Variants in NRL observed in about 807,000 individuals in gnomAD.
The protein encoded by NRL is neural retina leucine zipper.
NRL carries 16 observed loss-of-function variants against 12.5 expected under a neutral mutation model. The observed-to-expected ratio is 1.28, with a 90% CI of 0.87 to 1.95. The LOEUF (loss-of-function observed/expected upper bound fraction) is 1.95. Among genes scored for constraint, NRL ranks in the 30% most tolerant of loss-of-function variants. The probability of loss-of-function intolerance (pLI) is 0.00; values close to 1 mark genes in which losing one functional copy is unlikely to be tolerated. For synonymous variants in NRL, 142 were observed against 150.9 expected, an observed-to-expected ratio of 0.94 and a Z score of 0.43; for missense variants, 314 against 325.8, an observed-to-expected ratio of 0.96 and a Z score of 0.28.
At chr14:24,084,725 T>C (rs765814737) in intron 1 of NRL, 45 of 985,284 alleles carry the variant, frequency 4.6e-5, no homozygotes, top group Non-Finnish European at 5.4e-5. Context: ...GGTAAGGAGA[T>C]CATTTGCATA....
rs534559719 is a variant in NRL at position 24,092,686 on chromosome 14, C to T, written c.-27-9811G>A. On this transcript the variant is annotated intron_variant, in intron 1 of 2. Transcript: ENST00000561028. ...AAGAGACGGGGACCAGTAGCAAGCC[C>T]GTGGCTGGAGACCAGCTCTCCTTAT... 5.9e-5 allele frequency among the ~76,000 whole-genome samples: 9 copies of T among 152,308 alleles called. No individual in the cohort carries two copies. The East Asian group carries it at 1.7e-3, about 29-fold the overall frequency.
chr14:24,102,689 T>G, intron 1 of NRL: 2 of 1,375,058 alleles, frequency 1.5e-6, no homozygotes, highest in Non-Finnish European at 2.0e-6. Context: ...TGTGTGCCCA[T>G]GTATGTGTGT....
Position 24,102,827 on chromosome 14 carries a change from G to T in NRL, c.-28+11895C>A. 6.2e-7 allele frequency: 1 copy of T among 1,614,024 alleles called. No individual in the cohort carries two copies. Among genetic ancestry groups the T allele is most frequent in the Middle Eastern group, 1.7e-4 (1 of 6,058 alleles). ...TCGCCAGTGCCCCATCATGGACCCA[G>T]CCTGGGAGGCCCCAGAGGGTGTCCC... On this transcript the variant is annotated intron_variant, in intron 1 of 2. Coordinates refer to ENST00000561028, the MANE Select transcript of NRL (RefSeq NM_001354768.3).
chr14:24,089,828 A>G (rs906845503), intron 1 of NRL, among the ~76,000 whole-genome samples: 1 of 152,216 alleles, frequency 6.6e-6, no homozygotes, highest in Non-Finnish European at 1.5e-5. Flanking sequence ...AGGTGTGGAC[A>G]GGGTGGGAAT....
intron 1 of NRL, chr14:24,095,209 T>G (rs1219774948): frequency 2.2e-6 from 1 of 456,030 alleles, no homozygotes; most frequent in Non-Finnish European, 4.4e-6. Flanking sequence ...GCAGCCCTTG[T>G]GGGTGGTCTC....
At chr14:24,087,667 A>G (rs2036499151) in intron 1 of NRL, among the ~76,000 whole-genome samples, 1 of 152,152 alleles carries the variant, frequency 6.6e-6, no homozygotes, top group Non-Finnish European at 1.5e-5. Flanking sequence ...ATGCATATTA[A>G]ACACCTATTC....
chr14:24,113,202 G>A (rs2037446736), intron 1 of NRL, among the ~76,000 whole-genome samples: 1 of 106,886 alleles, frequency 9.4e-6, no homozygotes, highest in African/African-American at 3.8e-5. Context: ...ACACAGGAAG[G>A]GGAATATCAC....
intron 1 of NRL, among the ~76,000 whole-genome samples, chr14:24,086,532 A>C (rs1271726006): frequency 6.6e-6 from 1 of 152,232 alleles, no homozygotes; most frequent in Admixed American, 6.5e-5. Flanking sequence ...AATGGGAATG[A>C]GGATCATGGA....
intron 1 of NRL, among the ~76,000 whole-genome samples, chr14:24,087,152 T>C (rs2036486401): frequency 6.6e-6 from 1 of 151,852 alleles, no homozygotes; most frequent in Non-Finnish European, 1.5e-5. Flanking sequence ...CCATGGGGAT[T>C]TGGATTAAAG....
chr14:24,083,618 T>C (rs1363733962), intron 1 of NRL, among the ~76,000 whole-genome samples: 4 of 152,214 alleles, frequency 2.6e-5, no homozygotes, highest in Non-Finnish European at 5.9e-5. Context: ...ACTTGGCAGA[T>C]CACCTTCACC....
chr14:24,102,239 G>C (rs2037190609), intron 1 of NRL, among the ~76,000 whole-genome samples: 1 of 152,118 alleles, frequency 6.6e-6, no homozygotes, highest in Non-Finnish European at 1.5e-5. Context: ...AAAATAAAAA[G>C]ATAAAATAAA....
At chr14:24,095,472 C>G (rs1566572141) in intron 1 of NRL, 1 of 332,900 alleles carries the variant, frequency 3.0e-6, no homozygotes, top group South Asian at 2.3e-5. Context: ...CAGACAGACT[C>G]AAGCTCCCGT....
At chr14:24,086,561 C>T (rs898373047) in intron 1 of NRL, among the ~76,000 whole-genome samples, 1 of 152,254 alleles carries the variant, frequency 6.6e-6, no homozygotes, top group South Asian at 2.1e-4. Context: ...ACCCCACACA[C>T]ATGCCCATGG....
In NRL at chr14:24,100,227, G is replaced by A; in HGVS notation, c.-28+14495C>T. Reference sequence around the variant, plus strand: ...CCTGGAAACCTGGTATGTGCGGTGGGGAAGGTGTGGCACAGCCTCCAGGCC... The same window carrying A: ...CCTGGAAACCTGGTATGTGCGGTGGAGAAGGTGTGGCACAGCCTCCAGGCC... On this transcript the variant is annotated intron_variant, in intron 1 of 2. Transcript: ENST00000561028. The A allele has an allele frequency of 1.9e-6, 3 of 1,613,750 alleles. No individual in the cohort carries two copies. The highest frequency in any genetic ancestry group is 2.5e-6 in the Non-Finnish European group (3 of 1,179,836).
intron 1 of NRL, among the ~76,000 whole-genome samples, chr14:24,086,294 A>C (rs1458571123): frequency 3.9e-5 from 6 of 152,192 alleles, no homozygotes; most frequent in African/African-American, 1.4e-4. Flanking sequence ...CTGGGGAGGC[A>C]TGTATATATG....
intron 1 of NRL, among the ~76,000 whole-genome samples, chr14:24,111,139 G>C (rs930952800): frequency 1.3e-4 from 20 of 152,070 alleles, no homozygotes; most frequent in African/African-American, 4.8e-4. Flanking sequence ...CGCCACGATG[G>C]CCGGCTATTT....
At position 24,094,810 on chromosome 14, in the gene NRL, G is replaced by C. The variant is rs762090156; in HGVS notation, c.-27-11935C>G. On this transcript the variant is annotated intron_variant, in intron 1 of 2. Coordinates refer to ENST00000561028, the MANE Select transcript of NRL (RefSeq NM_001354768.3). The surrounding 1 kb of genome is among the most constrained non-coding windows in gnomAD (Gnocchi z 4.1). ...AACGGGCTCTCAGCCAGCGCCCCAG[G>C]GTACTTCGAGAGGCAGCAGGGCCCT... The C allele has an allele frequency of 1.6e-5, 22 of 1,345,214 alleles. No homozygotes were observed. The highest frequency in any genetic ancestry group is 1.1e-4 in the Admixed American group (5 of 45,070). 83.3% of individuals were successfully genotyped at this position (1,345,214 alleles called of 1,614,324 possible). A position where few individuals can be genotyped will look rare whatever the true frequency, so the allele number is the denominator to read the frequency against.
chr14:24,092,326 CTAAT>C (rs1212997779), intron 1 of NRL, among the ~76,000 whole-genome samples: 1 of 152,140 alleles, frequency 6.6e-6, no homozygotes, highest in African/African-American at 2.4e-5. Context: ...GACTTGAGGG[CTAAT>C]TGAGAAGTAC....
At chr14:24,097,680 G>A (rs1286417711) in intron 1 of NRL, among the ~76,000 whole-genome samples, 5 of 151,422 alleles carry the variant, frequency 3.3e-5, no homozygotes, top group Non-Finnish European at 5.9e-5. Context: ...CTCTGCCTCC[G>A]GGGAATTGTC....
Sources: gnomAD v4.1 joint callset for allele counts (sites outside exome capture counted in the v4.1 genomes callset) on GRCh38, gnomAD v4.1.1 for gene constraint, Gnocchi (gnomAD v3.1) non-coding constraint, MANE v1.5 for transcripts, NCBI Gene and HGNC (gene_info 2026-07-23, HGNC 2026-07-21) for gene names.